Variants in ABCB1 observed in about 807,000 individuals in gnomAD.
ABCB1 encodes the protein ATP binding cassette subfamily B member 1, also known as ATP-dependent translocase ABCB1.
Under a neutral mutation model 142.0 loss-of-function variants are expected in ABCB1, and 69 were observed. That is an observed-to-expected ratio of 0.49 (90% CI 0.40 to 0.59). The LOEUF (loss-of-function observed/expected upper bound fraction) is 0.59. Ranked by LOEUF, ABCB1 falls within the 20% of genes least tolerant of loss-of-function variation. ABCB1 has a pLI of 0.00. For missense variants in ABCB1, 1,326 were observed against 1,554.7 expected (o/e 0.85, Z 2.47); for synonymous variants, 532 against 539.2 (o/e 0.99, Z 0.18).
intron 1 of ABCB1, among the ~76,000 whole-genome samples, chr7:87,689,689 A>G (rs28381736): frequency 0.016 from 2,367 of 152,280 alleles, 41 homozygotes; most frequent in South Asian, 0.023. Context: ...GGAGGGTATC[A>G]TAATAATAAT....
chr7:87,596,143 AAG>A (rs1197692658), intron 2 of ABCB1, among the ~76,000 whole-genome samples: 1 of 152,052 alleles, frequency 6.6e-6, no homozygotes, highest in African/African-American at 2.4e-5. Flanking sequence ...ACATACTGAA[AAG>A]AGTTCCCTGT....
chr7:87,517,524 C>T (rs974089735), intron 23 of ABCB1, among the ~76,000 whole-genome samples: 1 of 143,950 alleles, frequency 6.9e-6, no homozygotes, highest in Non-Finnish European at 1.5e-5. Flanking sequence ...ATCCACTATG[C>T]CTAATCCAGA....
At chr7:87,597,312 T>A (rs1455302318) in intron 2 of ABCB1, among the ~76,000 whole-genome samples, 1 of 152,030 alleles carries the variant, frequency 6.6e-6, no homozygotes, top group Non-Finnish European at 1.5e-5. Flanking sequence ...CAAACATCAT[T>A]TTAATAAAGA....
intron 1 of ABCB1, among the ~76,000 whole-genome samples, chr7:87,642,222 T>C (rs994897721): frequency 1.3e-5 from 2 of 152,142 alleles, no homozygotes; most frequent in African/African-American, 4.8e-5. Context: ...CTTGATTGTC[T>C]GTGATACAAG....
chr7:87,702,165 A>AAAC (rs1829133393), intron 1 of ABCB1, among the ~76,000 whole-genome samples: 1 of 149,910 alleles, frequency 6.7e-6, no homozygotes, highest in African/African-American at 2.5e-5. Context: ...AAAAAAAAAA[A>AAAC]AAAAAAACAG....
At chr7:87,673,740 C>G (rs1826054287) in intron 1 of ABCB1, among the ~76,000 whole-genome samples, 1 of 152,150 alleles carries the variant, frequency 6.6e-6, no homozygotes, top group African/African-American at 2.4e-5. Context: ...GGTTAAGAAC[C>G]ATTGCTGGGA....
intron 1 of ABCB1, among the ~76,000 whole-genome samples, chr7:87,659,711 G>A (rs1031228540): frequency 1.3e-5 from 2 of 152,074 alleles, no homozygotes; most frequent in Non-Finnish European, 2.9e-5. Flanking sequence ...GAAACCCAGG[G>A]AACTTACTGC....
At chr7:87,548,923 C>G (rs1816923555) in intron 14 of ABCB1, among the ~76,000 whole-genome samples, 1 of 152,148 alleles carries the variant, frequency 6.6e-6, no homozygotes, top group Non-Finnish European at 1.5e-5. Flanking sequence ...AAGTGGCATT[C>G]AACACCTGGA....
chr7:87,693,999 G>T, intron 1 of ABCB1: 1 of 1,606,416 alleles, frequency 6.2e-7, no homozygotes, highest in Non-Finnish European at 8.5e-7. Context: ...TGAGCTGCAC[G>T]GGAGCATGGA....
At chr7:87,504,637 C>G (rs944059270) in intron 27 of ABCB1, among the ~76,000 whole-genome samples, 188 bp from the exon 28 acceptor site, 8 of 152,078 alleles carry the variant, frequency 5.3e-5, no homozygotes, top group Admixed American at 4.6e-4. Flanking sequence ...AACCCCATCT[C>G]TATCAAAAAT....
At chr7:87,562,555 T>C (rs1236003698) in intron 7 of ABCB1, among the ~76,000 whole-genome samples, 2 of 152,056 alleles carry the variant, frequency 1.3e-5, no homozygotes, top group Admixed American at 6.5e-5. Context: ...GGAAGATCAC[T>C]TCAAAGTGAT....
At chr7:87,504,971 T>A (rs1814669284) in intron 27 of ABCB1, among the ~76,000 whole-genome samples, 1 of 152,174 alleles carries the variant, frequency 6.6e-6, no homozygotes, top group South Asian at 2.1e-4. Context: ...CCCTAACTTT[T>A]TTTTTTTATT....
intron 1 of ABCB1, among the ~76,000 whole-genome samples, chr7:87,622,999 AC>A (rs1252330756): frequency 3.9e-5 from 6 of 152,134 alleles, no homozygotes; most frequent in African/African-American, 1.4e-4. Flanking sequence ...AGCCATGATT[AC>A]CCACTGTACT....
intron 7 of ABCB1, chr7:87,564,100 T>A (rs1321911648): frequency 6.7e-6 from 3 of 448,366 alleles, no homozygotes; most frequent in African/African-American, 6.1e-5. Context: ...ATAATCTGTA[T>A]AACAAATGCC....
chr7:87,521,019 T>C (rs1815481975), intron 21 of ABCB1, 143 bp from the exon 22 acceptor site: 6 of 684,136 alleles, frequency 8.8e-6, no homozygotes, highest in Admixed American at 2.4e-5. Context: ...TAGAAAAAGA[T>C]ACTAAGTAAT....
In ABCB1 at chr7:87,649,343, A is replaced by C. The variant is rs183045203; in HGVS notation, c.-330-48265T>G. Among the ~76,000 whole-genome samples the C allele has an allele frequency of 1.4e-4, 22 of 152,350 alleles. No homozygotes were observed. The East Asian group carries it at 3.9e-3, about 27-fold the overall frequency. Reference sequence around the variant, plus strand: ...CAGGTACCTACTGGGTACAACGTTCAAAGCATTGTCCTAGGTGCTGAGGGA... The same window carrying C: ...CAGGTACCTACTGGGTACAACGTTCCAAGCATTGTCCTAGGTGCTGAGGGA... On this transcript the variant is annotated intron_variant, in intron 1 of 28. Coordinates refer to the ABCB1 transcript ENST00000265724.
At chr7:87,652,334 A>G (rs1039856289) in intron 1 of ABCB1, among the ~76,000 whole-genome samples, 3 of 152,064 alleles carry the variant, frequency 2.0e-5, no homozygotes, top group African/African-American at 4.8e-5. Context: ...TAGACTCACT[A>G]CTATGTAAGT....
At chr7:87,604,294 G>T (rs752593998), upstream of ABCB1, among the ~76,000 whole-genome samples, 1 of 151,970 alleles carries the variant, frequency 6.6e-6, no homozygotes, top group Non-Finnish European at 1.5e-5. Flanking sequence ...CAGATTGAAG[G>T]TTCAACATGC....
chr7:87,635,783 C>T (rs1821707636), intron 1 of ABCB1, among the ~76,000 whole-genome samples: 1 of 152,148 alleles, frequency 6.6e-6, no homozygotes, highest in East Asian at 1.9e-4. Context: ...AGTTAATACC[C>T]TGGTTTTTAA....
Sources: allele counts gnomAD v4.1 joint callset (sites outside exome capture counted in the v4.1 genomes callset), GRCh38; gene constraint gnomAD v4.1.1; transcripts MANE v1.5; gene names NCBI Gene and HGNC (gene_info 2026-07-23, HGNC 2026-07-21).